The following ABCC12 variants were observed in gnomAD, a reference collection of about 807,000 sequenced individuals.
ABCC12 encodes the protein ATP binding cassette subfamily C member 12.
In ABCC12, 142 loss-of-function variants were observed where a neutral mutation model predicts 151.1. That is an observed-to-expected ratio of 0.94 (90% confidence interval 0.82 to 1.08). ABCC12 has a LOEUF of 1.08. ABCC12 is among the 50% of genes least tolerant of loss of function. The pLI is 0.00. For synonymous variants in ABCC12, 645 were observed against 646.4 expected (o/e 1.00, Z 0.03); for missense variants, 1,638 against 1,691.1 (o/e 0.97, Z 0.55).
At chr16:48,086,296 A>G (rs1387732054) in intron 28 of ABCC12, 5 of 180,064 alleles carry the variant, frequency 2.8e-5, no homozygotes, top group African/African-American at 1.2e-4. Context: ...AGAACATTCC[A>G]CACCCTTCTG....
rs200607476 is a variant in ABCC12, at chr16:48,088,725, G to A, written c.3295C>T (p.Pro1099Ser). The change falls in exon 26 of 31, where the codon CCT becomes TCT. Residue 1099 changes from proline to serine, a missense_variant. By Grantham distance (74) the Pro-to-Ser change is moderately conservative. Coordinates refer to ENST00000311303, the MANE Select transcript of ABCC12 (RefSeq NM_001393797.1). Reference protein sequence around the residue: ...LLREYISTCVPECTHPLKVGT... With the variant: ...LLREYISTCVSECTHPLKVGT... The stretch of plus-strand genomic sequence containing the variant: ...ACTTTGAGGGGATGAGTGCATTCAG[G>A]AACACAGGTCTGTAAAGGAGAATAA... 2.8e-5 allele frequency: 45 copies of A among 1,613,052 alleles called. No homozygotes were observed. The highest frequency in any genetic ancestry group is 3.7e-5 in the Non-Finnish European group (44 of 1,179,604).
chr16:48,105,514 T>C (rs1223974278), intron 20 of ABCC12, among the ~76,000 whole-genome samples, 178 bp from the exon 21 acceptor site: 1 of 151,936 alleles, frequency 6.6e-6, no homozygotes, highest in Non-Finnish European at 1.5e-5. Flanking sequence ...CTTTGTGGGG[T>C]TCCTCCTGCT....
intron 5 of ABCC12, 101 bp downstream of exon 5, chr16:48,141,105 G>T: frequency 1.3e-6 from 2 of 1,506,820 alleles, no homozygotes; most frequent in South Asian, 2.6e-5. Flanking sequence ...CAAAGATAAT[G>T]ACAATGCACT....
chr16:48,155,548 A>T (rs568124844), intron 1 of ABCC12, among the ~76,000 whole-genome samples: 1 of 152,268 alleles, frequency 6.6e-6, no homozygotes, highest in African/African-American at 2.4e-5. Flanking sequence ...AAAATATTCA[A>T]TGTAGGCTTT....
intron 12 of ABCC12, among the ~76,000 whole-genome samples, chr16:48,122,450 G>A (rs1964103905): frequency 6.6e-6 from 1 of 152,202 alleles, no homozygotes; most frequent in Admixed American, 6.5e-5. Flanking sequence ...CTATGCATGG[G>A]CTCCAGTTTG....
chr16:48,107,983 T>C (rs1179779577), intron 19 of ABCC12, among the ~76,000 whole-genome samples: 1 of 150,914 alleles, frequency 6.6e-6, no homozygotes, highest in African/African-American at 2.4e-5. Flanking sequence ...CACTCCAGCC[T>C]GGGTGACAGA....
intron 27 of ABCC12, chr16:48,087,625 T>A (rs1567443159): frequency 7.8e-6 from 2 of 255,752 alleles, no homozygotes; most frequent in East Asian, 1.5e-4. Flanking sequence ...GACACAGGCA[T>A]AAACTAGGGC....
At chr16:48,091,341 T>C in intron 24 of ABCC12, 132 bp from the exon 25 acceptor site, 1 of 790,376 alleles carries the variant, frequency 1.3e-6, no homozygotes, top group Non-Finnish European at 2.2e-6. Flanking sequence ...ACAGGAGGCC[T>C]GCCTTCCCAG....
rs1963853478 is a variant in ABCC12, at chr16:48,115,586, C to T, written c.1818G>A (p.Gly606=). ...IGERGLNLSG[G]QRQRISLARA... ...GGGCCAGGCTAATCCTCTGCCTCTG[C>T]CCCCCAGAGAGGTTGAGGCCCCGCT... Residue 606 remains glycine (G), a synonymous_variant, in exon 15 of 31, where the codon GGG becomes GGA. Transcript: ENST00000311303. 2.5e-6 allele frequency: 4 copies of T among 1,613,806 alleles called. No individual in the cohort carries two copies. Among genetic ancestry groups the T allele is most frequent in the African/African-American group, 2.7e-5 (2 of 74,916 alleles).
intron 23 of ABCC12, among the ~76,000 whole-genome samples, chr16:48,099,708 G>C (rs1374916866): frequency 2.0e-5 from 3 of 152,164 alleles, no homozygotes; most frequent in African/African-American, 7.2e-5. Context: ...AAATCCCCCT[G>C]GGTCCTCCTT....
At chr16:48,131,181 CAG>C (rs1261698482) in intron 9 of ABCC12, among the ~76,000 whole-genome samples, 1 of 152,224 alleles carries the variant, frequency 6.6e-6, no homozygotes, top group Non-Finnish European at 1.5e-5. Flanking sequence ...AGGCCACTAA[CAG>C]AATACATTTG....
Position 48,144,058 on chromosome 16 carries a change from G to A in ABCC12, c.127C>T (p.Pro43Ser). 6.2e-7 allele frequency: 1 copy of A among 1,613,184 alleles called. No individual in the cohort carries two copies. Among genetic ancestry groups the A allele is most frequent in the Non-Finnish European group, 8.5e-7 (1 of 1,179,468 alleles). Residue 43 changes from proline to serine, a missense_variant, in exon 4 of 31, where the codon CCC becomes TCC. Pro to Ser is a moderately conservative substitution (Grantham distance 74, BLOSUM62 -1). Transcript: ENST00000311303. ...IPVRPCARLA[P>S]NPVDDAGLLS... ...AGCCCGGCATCATCCACCGGGTTGGGTGCTAACCTGCAGACAAACAAGACA... is the reference window on the plus strand; with the variant it reads ...AGCCCGGCATCATCCACCGGGTTGGATGCTAACCTGCAGACAAACAAGACA...
chr16:48,091,596 T>C (rs1962898368), intron 24 of ABCC12, among the ~76,000 whole-genome samples: 1 of 152,088 alleles, frequency 6.6e-6, no homozygotes, highest in Admixed American at 6.5e-5. Flanking sequence ...AGAGCAGCCC[T>C]CCCCTAGCCC....
At chr16:48,086,109 C>T (rs1310736755) in intron 28 of ABCC12, 2 of 180,868 alleles carry the variant, frequency 1.1e-5, no homozygotes, top group Admixed American at 5.6e-5. Flanking sequence ...GAGTGACAAG[C>T]CAAAGTGGCC....
intron 14 of ABCC12, among the ~76,000 whole-genome samples, chr16:48,116,835 G>A (rs2150627630): frequency 6.6e-6 from 1 of 152,190 alleles, no homozygotes; most frequent in South Asian, 2.1e-4. Context: ...CCCAGGATGG[G>A]GTGGCAGGCT....
At chr16:48,087,832 C>T in intron 27 of ABCC12, 94 bp downstream of exon 27, 1 of 1,388,540 alleles carries the variant, frequency 7.2e-7, no homozygotes, top group Non-Finnish European at 9.9e-7. Context: ...AGAACAGCTC[C>T]AGGCCAGCCA....
intron 23 of ABCC12, among the ~76,000 whole-genome samples, chr16:48,097,477 A>G (rs189990733): frequency 1.4e-4 from 22 of 152,304 alleles, no homozygotes; most frequent in Admixed American, 1.4e-3. Context: ...GAGCTTCTTC[A>G]AGGACAGGAA....
intron 13 of ABCC12, chr16:48,121,217 C>T (rs1160099652): frequency 6.6e-6 from 1 of 152,206 alleles, no homozygotes; most frequent in Non-Finnish European, 1.5e-5. Flanking sequence ...AAGATGATGG[C>T]TCAAAGTAAA....
At chr16:48,138,198 T>C in intron 8 of ABCC12, 30 bp downstream of exon 8, 1 of 1,576,532 alleles carries the variant, frequency 6.3e-7, no homozygotes, top group Non-Finnish European at 8.7e-7. Flanking sequence ...ACAAGGTAAG[T>C]GGTTCTTTAA....
Sources: allele counts gnomAD v4.1 joint callset (sites outside exome capture counted in the v4.1 genomes callset), GRCh38; gene constraint gnomAD v4.1.1; transcripts MANE v1.5; gene names NCBI Gene and HGNC (gene_info 2026-07-23, HGNC 2026-07-21).